Variants in VAV3 observed in about 807,000 individuals in gnomAD.
The protein encoded by VAV3 is guanine nucleotide exchange factor VAV3.
In VAV3, 94 loss-of-function variants were observed where a neutral mutation model predicts 131.2. The observed-to-expected ratio is 0.72, with a 90% confidence interval of 0.61 to 0.85. VAV3 has a LOEUF of 0.85. Ranked by LOEUF, VAV3 falls within the 40% of genes least tolerant of loss-of-function variation. The pLI, the probability that VAV3 is intolerant of heterozygous loss-of-function variation, is 0.00. For synonymous variants in VAV3, 349 were observed against 342.0 expected (o/e 1.02, Z -0.22); for missense variants, 939 against 1,002.7 (o/e 0.94, Z 0.86).
intron 17 of VAV3, among the ~76,000 whole-genome samples, chr1:107,699,435 T>C (rs2101822254): frequency 6.6e-6 from 1 of 152,348 alleles, no homozygotes; most frequent in South Asian, 2.1e-4. Flanking sequence ...GCCCCCCTCC[T>C]GGCTGCTCTC....
intron 4 of VAV3, among the ~76,000 whole-genome samples, chr1:107,774,402 T>C (rs1177615752): frequency 6.6e-6 from 1 of 152,174 alleles, no homozygotes; most frequent in African/African-American, 2.4e-5. Context: ...AAGAATGACA[T>C]GCATGTGTGA....
chr1:107,698,164 A>G (rs146530305), intron 17 of VAV3, among the ~76,000 whole-genome samples: 2 of 152,364 alleles, frequency 1.3e-5, no homozygotes, highest in Non-Finnish European at 2.9e-5. Context: ...TAACAATGGT[A>G]AAGTACAAAT....
intron 20 of VAV3, among the ~76,000 whole-genome samples, chr1:107,635,186 C>T (rs1233181035): frequency 1.3e-5 from 2 of 152,032 alleles, no homozygotes; most frequent in Admixed American, 1.3e-4. Flanking sequence ...TTTATTGCAT[C>T]ACTATTCACA....
At chr1:107,740,819 A>C (rs751405778) in intron 15 of VAV3, among the ~76,000 whole-genome samples, 1 of 152,324 alleles carries the variant, frequency 6.6e-6, no homozygotes, top group Non-Finnish European at 1.5e-5. Context: ...ATGTGAATCT[A>C]TGGCTGCATT....
At chr1:107,882,606 C>T (rs1191679427) in intron 1 of VAV3, among the ~76,000 whole-genome samples, 4 of 152,138 alleles carry the variant, frequency 2.6e-5, no homozygotes, top group African/African-American at 9.6e-5. Flanking sequence ...TACTGGAGTT[C>T]CCTATTTCTG....
At chr1:107,656,863 T>C (rs1229853675) in intron 19 of VAV3, among the ~76,000 whole-genome samples, 3 of 151,400 alleles carry the variant, frequency 2.0e-5, no homozygotes, top group Non-Finnish European at 4.4e-5. Flanking sequence ...TACTCCTGCA[T>C]ATAAGCCTAA....
At chr1:107,898,721 T>C (rs145918701) in intron 1 of VAV3, among the ~76,000 whole-genome samples, 1 of 152,308 alleles carries the variant, frequency 6.6e-6, no homozygotes, top group African/African-American at 2.4e-5. Flanking sequence ...CCTATAAAAA[T>C]ATATCTACTG....
At chr1:107,798,437 G>A (rs116004794) in intron 2 of VAV3, among the ~76,000 whole-genome samples, 1,963 of 151,906 alleles carry the variant, frequency 0.013, 42 homozygotes, top group African/African-American at 0.045. Context: ...CATGCACCGA[G>A]GCCAGGCGTG....
At chr1:107,682,384 C>A (rs1049369290) in intron 19 of VAV3, among the ~76,000 whole-genome samples, 3 of 152,210 alleles carry the variant, frequency 2.0e-5, no homozygotes, top group South Asian at 4.2e-4. Context: ...CAGTCATATA[C>A]CCCTACTGAA....
intron 25 of VAV3, among the ~76,000 whole-genome samples, 183 bp downstream of exon 25, chr1:107,596,028 TA>T (rs1651354203): frequency 1.3e-5 from 2 of 152,296 alleles, no homozygotes; most frequent in South Asian, 4.1e-4. Flanking sequence ...TAAAGATCTA[TA>T]ATTAGACATG....
rs558914911 is a variant in VAV3, at chr1:107,852,570, T to C, written c.321+22331A>G. 2.0e-5 allele frequency among the ~76,000 whole-genome samples: 3 copies of C among 152,308 alleles called. No individual in the cohort carries two copies. In the South Asian group the frequency reaches 6.2e-4, roughly 32 times the overall value. ...GTGAGGATTTATTTCATTCCATTTT[T>C]CTTCTAAAATATTTAAATGGCTGCA... On this transcript the variant is annotated intron_variant, in intron 2 of 26. Coordinates refer to ENST00000370056, the MANE Select transcript of VAV3 (RefSeq NM_006113.5).
intron 20 of VAV3, among the ~76,000 whole-genome samples, chr1:107,629,488 C>T (rs887070121): frequency 6.6e-6 from 1 of 152,158 alleles, no homozygotes; most frequent in African/African-American, 2.4e-5. Flanking sequence ...AATTGTCCTG[C>T]ATGTTGTTAG....
intron 1 of VAV3, among the ~76,000 whole-genome samples, chr1:107,905,543 AT>A (rs1164451042): frequency 6.6e-6 from 1 of 152,148 alleles, no homozygotes; most frequent in African/African-American, 2.4e-5. Flanking sequence ...TAAAAAAAAA[AT>A]CTAGAATACT....
rs78237463 is a variant in VAV3 at position 107,879,145 on chromosome 1, C to T, written c.205-4128G>A. Among the ~76,000 whole-genome samples the T allele has an allele frequency of 7.8e-3, 1,182 of 152,132 alleles. 15 individuals are homozygous for T. The highest frequency in any genetic ancestry group is 0.027 in the African/African-American group (1,133 of 41,500). ...ACAATAATATTTGTTTCATTGCTTTCTTATATCAAGTTGTCCCAGGTCCAT... is the reference window on the plus strand; with the variant it reads ...ACAATAATATTTGTTTCATTGCTTTTTTATATCAAGTTGTCCCAGGTCCAT... On this transcript the variant is annotated intron_variant, in intron 1 of 26. Transcript: ENST00000370056.
chr1:107,854,791 GT>G (rs771502752), intron 2 of VAV3, among the ~76,000 whole-genome samples: 25 of 152,270 alleles, frequency 1.6e-4, no homozygotes, highest in Admixed American at 3.3e-4. Flanking sequence ...GGTGAAAAAG[GT>G]TGAGAACTGC....
intron 1 of VAV3, among the ~76,000 whole-genome samples, chr1:107,920,747 C>T (rs2101152594): frequency 6.6e-6 from 1 of 152,312 alleles, no homozygotes; most frequent in South Asian, 2.1e-4. Context: ...GATCCTCCCC[C>T]TACTGAATTT....
chr1:107,608,649 G>A (rs1420813506), intron 22 of VAV3, among the ~76,000 whole-genome samples: 1 of 152,212 alleles, frequency 6.6e-6, no homozygotes, highest in African/African-American at 2.4e-5. Flanking sequence ...AGAAGGCAGA[G>A]TGACTGCCAG....
chr1:107,704,740 C>T, intron 16 of VAV3, 90 bp from the exon 17 acceptor site: 1 of 1,136,816 alleles, frequency 8.8e-7, no homozygotes, highest in Non-Finnish European at 1.3e-6. Context: ...AAAGTATCAA[C>T]AGTGCTCTTC....
intron 17 of VAV3, among the ~76,000 whole-genome samples, chr1:107,703,240 T>C (rs986519477): frequency 2.6e-5 from 4 of 152,192 alleles, no homozygotes; most frequent in African/African-American, 9.7e-5. Flanking sequence ...ATAAATTCTA[T>C]TGGGGTGGCA....
Sources: gnomAD v4.1 joint callset for allele counts (sites outside exome capture counted in the v4.1 genomes callset) on GRCh38, gnomAD v4.1.1 for gene constraint, MANE v1.5 for transcripts, NCBI Gene and HGNC (gene_info 2026-07-23, HGNC 2026-07-21) for gene names.